The following PRKD3 variants were observed in gnomAD, a reference collection of about 807,000 sequenced individuals.
PRKD3 encodes serine/threonine-protein kinase D3.
In PRKD3, 47 loss-of-function variants were observed where a neutral mutation model predicts 99.2. That is an observed-to-expected ratio of 0.47 (90% CI 0.38 to 0.60). PRKD3 has a LOEUF of 0.60. Ranked by LOEUF, PRKD3 falls within the 20% of genes least tolerant of loss-of-function variation. PRKD3 has a pLI of 0.00. For missense variants in PRKD3, 1,019 were observed against 1,088.4 expected (o/e 0.94, Z 0.90); for synonymous variants, 392 against 355.4 (o/e 1.10, Z -1.16).
chr2:37,293,334 C>A, intron 2 of PRKD3, 63 bp from the exon 3 acceptor site: 7 of 1,388,576 alleles, frequency 5.0e-6, no homozygotes, highest in South Asian at 1.8e-5. Context: ...GTAAACGTTT[C>A]AATTTTATCA....
intron 2 of PRKD3, among the ~76,000 whole-genome samples, chr2:37,315,312 G>A (rs993699460): frequency 3.3e-5 from 5 of 152,186 alleles, no homozygotes; most frequent in Admixed American, 1.3e-4. Context: ...AAAACGGCAC[G>A]GTACAGGGAA....
intron 2 of PRKD3, among the ~76,000 whole-genome samples, chr2:37,303,177 CAGG>C (rs1033060186): frequency 5.9e-5 from 9 of 152,026 alleles, no homozygotes; most frequent in Admixed American, 5.9e-4. Context: ...CGCTGGACCT[CAGG>C]AGAAGATTAC....
chr2:37,309,463 C>G (rs1350586940), intron 2 of PRKD3, among the ~76,000 whole-genome samples: 2 of 152,178 alleles, frequency 1.3e-5, no homozygotes, highest in African/African-American at 4.8e-5. Flanking sequence ...TTACTCACTG[C>G]TCAACAATGG....
At chr2:37,261,690 G>C (rs1293055315) in intron 14 of PRKD3, among the ~76,000 whole-genome samples, 2 of 152,322 alleles carry the variant, frequency 1.3e-5, no homozygotes, top group South Asian at 2.1e-4. Context: ...TGAGGCAGGA[G>C]AATTGCTTGA....
At chr2:37,274,302 T>C (rs193065840) in intron 11 of PRKD3, 119 bp downstream of exon 11, 215 of 1,128,460 alleles carry the variant, frequency 1.9e-4, no homozygotes, top group Middle Eastern at 1.3e-3. Context: ...TACTAAAGTA[T>C]TGGTTACTAA....
At chr2:37,290,389 C>G (rs113978637) in intron 4 of PRKD3, among the ~76,000 whole-genome samples, 3 of 152,140 alleles carry the variant, frequency 2.0e-5, no homozygotes, top group Non-Finnish European at 4.4e-5. Flanking sequence ...TCCGCCACCA[C>G]GCCCGGCTAA....
At chr2:37,281,754 T>C (rs1018096275) in intron 7 of PRKD3, among the ~76,000 whole-genome samples, 4 of 152,328 alleles carry the variant, frequency 2.6e-5, no homozygotes, top group Middle Eastern at 3.4e-3. Flanking sequence ...GAGAAAATGT[T>C]AATTAAACTC....
intron 14 of PRKD3, 90 bp from the exon 15 acceptor site, chr2:37,260,474 C>A: frequency 8.4e-7 from 1 of 1,191,430 alleles, no homozygotes; most frequent in Admixed American, 2.2e-5. Context: ...TGAAATGGCA[C>A]AGAAAGAAAG....
rs557520425 is a variant in PRKD3, at chr2:37,284,671, T to A, written c.910+1506A>T. 1.6e-3 allele frequency among the ~76,000 whole-genome samples: 237 copies of A among 152,328 alleles called. 1 individual carries two copies. Among genetic ancestry groups the A allele is most frequent in the Non-Finnish European group, 2.4e-3 (165 of 68,020 alleles). On this transcript the variant is annotated intron_variant, in intron 6 of 18. Coordinates refer to ENST00000234179, the MANE Select transcript of PRKD3 (RefSeq NM_005813.6). ...TCAAAGCAAGCTGTTGAAATAAAAT[T>A]TCATCATGTTATAATGCCTAATAGT... is the stretch of plus-strand genomic sequence containing the variant.
intron 6 of PRKD3, among the ~76,000 whole-genome samples, chr2:37,285,018 T>C (rs1670027326): frequency 6.6e-6 from 1 of 152,210 alleles, no homozygotes; most frequent in East Asian, 1.9e-4. Flanking sequence ...CAAGAATTTC[T>C]TGTTACAAAA....
At chr2:37,253,421 GTTT>G (rs138987723) in intron 18 of PRKD3, 71 bp from the exon 19 acceptor site, 1 of 1,308,952 alleles carries the variant, frequency 7.6e-7, no homozygotes, top group Non-Finnish European at 1.0e-6. Context: ...TTTGTTTTGT[GTTT>G]TTTTTTGTTG....
intron 2 of PRKD3, among the ~76,000 whole-genome samples, chr2:37,308,418 T>C (rs1671258804): frequency 6.6e-6 from 1 of 152,168 alleles, no homozygotes; most frequent in South Asian, 2.1e-4. Flanking sequence ...CACTGAAATT[T>C]ACCTTGGTGT....
chr2:37,275,947 G>C (rs968283668), intron 9 of PRKD3, 103 bp from the exon 10 acceptor site: 20 of 1,397,984 alleles, frequency 1.4e-5, no homozygotes, highest in Admixed American at 9.2e-5. Flanking sequence ...TTGTATTTTT[G>C]AATAACTTTA....
At chr2:37,281,010 C>A (rs2148554751) in intron 7 of PRKD3, among the ~76,000 whole-genome samples, 1 of 152,154 alleles carries the variant, frequency 6.6e-6, no homozygotes, top group Non-Finnish European at 1.5e-5. Context: ...AAAAGATGCT[C>A]AATATTATTA....
rs1462692108 is a variant in PRKD3, at chr2:37,311,969, T to C, written c.288+4268A>G. On this transcript the variant is annotated intron_variant, in intron 2 of 18. Coordinates refer to ENST00000234179, the MANE Select transcript of PRKD3 (RefSeq NM_005813.6). ...AAATCAAGTCCACATTTAAAATGCA[T>C]ATAACCTTGCAACTACATGCATCGA... Among the ~76,000 whole-genome samples the C allele has an allele frequency of 2.0e-5, 3 of 152,244 alleles. No individual in the cohort carries two copies. The East Asian group carries it at 5.8e-4, about 29-fold the overall frequency.
chr2:37,276,850 A>G (rs1372044637), intron 9 of PRKD3, among the ~76,000 whole-genome samples: 1 of 150,750 alleles, frequency 6.6e-6, no homozygotes, highest in Non-Finnish European at 1.5e-5. Context: ...ACATATATAT[A>G]ACTTTATTTT....
At chr2:37,307,832 A>G (rs1283857483) in intron 2 of PRKD3, among the ~76,000 whole-genome samples, 3 of 152,248 alleles carry the variant, frequency 2.0e-5, no homozygotes, top group Non-Finnish European at 4.4e-5. Flanking sequence ...CCAAGTTTTA[A>G]GCAAAGCTCA....
At chr2:37,272,350 G>T (rs770293384) in intron 12 of PRKD3, 30 bp downstream of exon 12, 2 of 1,594,666 alleles carry the variant, frequency 1.3e-6, no homozygotes, top group South Asian at 2.3e-5. Context: ...TAATCACCCA[G>T]TTTACACATT....
At chr2:37,324,058 C>A (rs1183625188) in intron 1 of PRKD3, 7 of 411,172 alleles carry the variant, frequency 1.7e-5, no homozygotes, top group Non-Finnish European at 2.3e-5. Context: ...CTCAAAGAAA[C>A]AGTGGCACTC....
Sources: allele counts gnomAD v4.1 joint callset (sites outside exome capture counted in the v4.1 genomes callset), GRCh38; gene constraint gnomAD v4.1.1; transcripts MANE v1.5; gene names NCBI Gene and HGNC (gene_info 2026-07-23, HGNC 2026-07-21).